CACNA1B: variants seen among roughly 807,000 people sequenced by gnomAD.
The protein encoded by CACNA1B is calcium voltage-gated channel subunit alpha1 B.
In CACNA1B, 70 loss-of-function variants were observed where a neutral mutation model predicts 247.2. The ratio of observed to expected loss-of-function variants is 0.28; its 90% confidence interval spans 0.23 to 0.35. The LOEUF (loss-of-function observed/expected upper bound fraction) is 0.35. Among genes scored for constraint, CACNA1B ranks in the 10% least tolerant of loss-of-function variants. The pLI is 1.00. For synonymous variants in CACNA1B, 1,231 were observed against 1,294.4 expected (o/e 0.95, Z 1.05); for missense variants, 2,367 against 3,197.4 (o/e 0.74, Z 6.26).
At chr9:138,021,710 C>T (rs1234882792) in intron 18 of CACNA1B, among the ~76,000 whole-genome samples, 2 of 152,252 alleles carry the variant, frequency 1.3e-5, no homozygotes, top group South Asian at 2.1e-4. Context: ...CAAGTAACAT[C>T]CTCTCTCTAG....
At chr9:137,895,709 A>G (rs1957164523) in intron 3 of CACNA1B, among the ~76,000 whole-genome samples, 1 of 152,254 alleles carries the variant, frequency 6.6e-6, no homozygotes, top group Non-Finnish European at 1.5e-5. Flanking sequence ...CTAACTTAGT[A>G]GTAGTTCTAG....
At chr9:137,942,266 A>G (rs1260457896) in intron 6 of CACNA1B, among the ~76,000 whole-genome samples, 1 of 152,238 alleles carries the variant, frequency 6.6e-6, no homozygotes, top group Non-Finnish European at 1.5e-5. Context: ...AATCAAAACT[A>G]CAATGTGATA....
Position 137,919,596 on chromosome 9 carries a change from C to T in CACNA1B, c.966+2165C>T, listed in dbSNP as rs1589006070. Among the ~76,000 whole-genome samples, 1 of 152,230 alleles carries T rather than the reference C, an allele frequency of 6.6e-6. No individual in the cohort carries two copies. Among genetic ancestry groups the T allele is most frequent in the African/African-American group, 2.4e-5 (1 of 41,472 alleles). ...ATCCTTTGGAGAGAGCGAGAGCCCG[C>T]CCCTCACCTCCAACCCAGTGAGAGG... On this transcript the variant is annotated intron_variant, in intron 6 of 46. Transcript: ENST00000371372. The surrounding 1 kb of genome is among the most constrained non-coding windows in gnomAD (Gnocchi z 4.6).
In CACNA1B at chr9:138,050,216, G is replaced by A. The variant is rs961017156; in HGVS notation, c.3710+901G>A. On this transcript the variant is annotated intron_variant, in intron 24 of 46. Transcript: ENST00000371372. This position sits in a 1 kb window ranked among gnomAD's most constrained non-coding sequence, Gnocchi z 5.2. Reference sequence around the variant, plus strand: ...ACCCCATCGGGGCTGCATGCTGCCGGGAGCCAAGTCCCCGGCCAGGGGTTC... The same window carrying A: ...ACCCCATCGGGGCTGCATGCTGCCGAGAGCCAAGTCCCCGGCCAGGGGTTC... The A allele has an allele frequency of 2.0e-5, 13 of 655,112 alleles. No individual in the cohort carries two copies. The highest frequency in any genetic ancestry group is 7.2e-5 in the Admixed American group (3 of 41,848). 40.6% of individuals were successfully genotyped at this position (655,112 alleles called of 1,614,324 possible).
intron 8 of CACNA1B, 44 bp from the exon 9 acceptor site, chr9:137,956,727 T>C (rs759690244): frequency 6.3e-7 from 1 of 1,584,332 alleles, no homozygotes; most frequent in African/African-American, 1.3e-5. Context: ...GGGGCATTCC[T>C]GGGGTCAGGA....
rs1958716142 is a variant in CACNA1B, at chr9:138,010,920, A to G, written c.2160+843A>G. ...GGCAGCAGAGATGCAGGTGTGCCAC[A>G]GAGCTTCTCCAAGAGTGAGTGCTGT... On this transcript the variant is annotated intron_variant, in intron 17 of 46. Coordinates refer to ENST00000371372, the MANE Select transcript of CACNA1B (RefSeq NM_000718.4). The surrounding 1 kb of genome is among the most constrained non-coding windows in gnomAD (Gnocchi z 5.3). 6.6e-6 allele frequency among the ~76,000 whole-genome samples: 1 copy of G among 152,134 alleles called. No individual in the cohort carries two copies. Among genetic ancestry groups the G allele is most frequent in the Non-Finnish European group, 1.5e-5 (1 of 68,024 alleles).
chr9:138,069,546 T>A (rs1379455411), intron 31 of CACNA1B, among the ~76,000 whole-genome samples: 1 of 152,128 alleles, frequency 6.6e-6, no homozygotes, highest in Non-Finnish European at 1.5e-5. Context: ...GTAATCAGAG[T>A]TTGAGTTTTT....
intron 6 of CACNA1B, among the ~76,000 whole-genome samples, chr9:137,941,599 C>CTA (rs1216175527): frequency 1.3e-5 from 2 of 152,128 alleles, no homozygotes; most frequent in Non-Finnish European, 2.9e-5. Context: ...CAACCTCAAA[C>CTA]TATAGTATAA....
chr9:137,897,203 C>A (rs2133253052), intron 3 of CACNA1B, among the ~76,000 whole-genome samples: 1 of 152,144 alleles, frequency 6.6e-6, no homozygotes, highest in East Asian at 1.9e-4. Flanking sequence ...TTTTACTCTT[C>A]ATTTTCTCTG....
At chr9:138,105,622 G>A (rs557719596) in intron 38 of CACNA1B, 77 bp from the exon 39 acceptor site, 95 of 777,494 alleles carry the variant, frequency 1.2e-4, no homozygotes, top group Admixed American at 4.3e-4. Flanking sequence ...AGCATCCAGG[G>A]ACCCCATCAT....
chr9:137,888,982 C>T lies in CACNA1B; in HGVS notation c.530+6099C>T, dbSNP rs1239368584. Among the ~76,000 whole-genome samples the T allele has an allele frequency of 1.0e-4, 15 of 149,974 alleles. 1 individual carries two copies. Among genetic ancestry groups the T allele is most frequent in the African/African-American group, 2.9e-4 (12 of 41,238 alleles). ...CTGAAAACAGGTGACAGCCCAGAGACGCTGCCTTCCCGCAAGGCGACCTGA... is the reference window on the plus strand; with the variant it reads ...CTGAAAACAGGTGACAGCCCAGAGATGCTGCCTTCCCGCAAGGCGACCTGA... On this transcript the variant is annotated intron_variant, in intron 3 of 46. Transcript: ENST00000371372. The surrounding 1 kb of genome is among the most constrained non-coding windows in gnomAD (Gnocchi z 4.7).
intron 32 of CACNA1B, among the ~76,000 whole-genome samples, chr9:138,070,629 A>C (rs1960094831): frequency 6.6e-6 from 1 of 152,206 alleles, no homozygotes; most frequent in African/African-American, 2.4e-5. Context: ...TCACAATTGG[A>C]GCAGAAGAGC....
At chr9:138,090,648 A>C (rs1255072165) in intron 36 of CACNA1B, among the ~76,000 whole-genome samples, 1 of 142,874 alleles carries the variant, frequency 7.0e-6, no homozygotes, top group Non-Finnish European at 1.5e-5. Context: ...CAAACTATTT[A>C]TCTGACAAGC....
Position 138,117,793 on chromosome 9 carries a change from A to G in CACNA1B, c.5778-153A>G, listed in dbSNP as rs554320204. Among the ~76,000 whole-genome samples the G allele has an allele frequency of 2.6e-5, 4 of 152,244 alleles. No individual in the cohort carries two copies. The South Asian group carries it at 6.2e-4, about 24-fold the overall frequency. On this transcript the variant is annotated intron_variant, in intron 42 of 46. Transcript: ENST00000371372. ...GCCACGTTGGGGCTCTTGTGCCCAA[A>G]GGAGGGCTCAATTCAGTCCAGAACA...
Position 138,043,909 on chromosome 9 carries a change from C to T in CACNA1B, c.3413+9C>T. ...TTAAGCCCCACCAACCTGTGAGTCT[C>T]CTTGCCTGCTGGTGTGTGTGGCCGC... On this transcript the variant is annotated intron_variant, in intron 21 of 46. Coordinates refer to ENST00000371372, the MANE Select transcript of CACNA1B (RefSeq NM_000718.4). 1.9e-6 allele frequency: 3 copies of T among 1,612,292 alleles called. No individual in the cohort carries two copies. Among genetic ancestry groups the T allele is most frequent in the East Asian group, 2.2e-5 (1 of 44,798 alleles).
intron 34 of CACNA1B, among the ~76,000 whole-genome samples, chr9:138,074,870 G>A (rs1214478122): frequency 2.0e-5 from 3 of 152,238 alleles, no homozygotes; most frequent in Admixed American, 6.5e-5. Flanking sequence ...GGCCTGACCC[G>A]CGGCGGGGGT....
At chr9:137,981,539 C>T (rs113688363) in intron 12 of CACNA1B, among the ~76,000 whole-genome samples, 1,634 of 152,266 alleles carry the variant, frequency 0.011, 10 homozygotes, top group African/African-American at 0.013. Flanking sequence ...TGCAGTGGCA[C>T]GATCTCGGCT....
At position 137,881,516 on chromosome 9, in the gene CACNA1B, G is replaced by A. The variant is rs774695676; in HGVS notation, c.391-1228G>A. Among the ~76,000 whole-genome samples, 1 of 152,142 alleles carries A rather than the reference G, an allele frequency of 6.6e-6. No individual in the cohort carries two copies. ...CTGTGACTTCCACAGTCCTGAAGAC[G>A]AACCCTCAGGGGAGGCCCTTGAAGC... On this transcript the variant is annotated intron_variant, in intron 2 of 46. Transcript: ENST00000371372. The surrounding 1 kb of genome is among the most constrained non-coding windows in gnomAD (Gnocchi z 4.3).
chr9:138,080,672 G>C (rs1173033371), intron 36 of CACNA1B, among the ~76,000 whole-genome samples: 1 of 152,112 alleles, frequency 6.6e-6, no homozygotes, highest in Non-Finnish European at 1.5e-5. Flanking sequence ...CATGAAGGAA[G>C]GGGAAACTTA....
Sources: gnomAD v4.1 joint callset for allele counts (sites outside exome capture counted in the v4.1 genomes callset) on GRCh38, gnomAD v4.1.1 for gene constraint, Gnocchi (gnomAD v3.1) non-coding constraint, MANE v1.5 for transcripts, NCBI Gene and HGNC (gene_info 2026-07-23, HGNC 2026-07-21) for gene names.